Variants in GLIS3 observed in about 807,000 individuals in gnomAD.
The protein encoded by GLIS3 is zinc finger protein GLIS3.
GLIS3 carries 53 observed loss-of-function variants against 78.6 expected under a neutral mutation model. That is an observed-to-expected ratio of 0.67 (90% confidence interval 0.54 to 0.85). The LOEUF (loss-of-function observed/expected upper bound fraction) is 0.85. Among genes scored for constraint, GLIS3 ranks in the 40% least tolerant of loss-of-function variants. The pLI is 0.00. For missense variants in GLIS3, 1,703 were observed against 1,231.1 expected, an observed-to-expected ratio of 1.38 and a Z score of -5.74; for synonymous variants, 684 against 509.9, an observed-to-expected ratio of 1.34 and a Z score of -4.60.
intron 1 of GLIS3, among the ~76,000 whole-genome samples, chr9:4,347,746 G>A (rs528222415): frequency 8.6e-5 from 13 of 152,020 alleles, no homozygotes; most frequent in Non-Finnish European, 1.5e-4. Flanking sequence ...TTTTTTTTTG[G>A]TGGGGGTTGG....
intron 6 of GLIS3, among the ~76,000 whole-genome samples, chr9:3,930,826 A>T (rs1485407528): frequency 3.3e-5 from 5 of 150,674 alleles, no homozygotes; most frequent in African/African-American, 1.3e-4. Flanking sequence ...AAACCCCCTC[A>T]TCTAGAAGTT....
At chr9:4,164,313 T>C (rs1835718312) in intron 2 of GLIS3, among the ~76,000 whole-genome samples, 1 of 152,250 alleles carries the variant, frequency 6.6e-6, no homozygotes, top group Non-Finnish European at 1.5e-5. Flanking sequence ...CCCATGCTTA[T>C]GCCTCTCTGA....
intron 9 of GLIS3, among the ~76,000 whole-genome samples, chr9:3,841,963 T>C (rs994666253): frequency 1.3e-5 from 2 of 152,210 alleles, no homozygotes; most frequent in Non-Finnish European, 2.9e-5. Context: ...CCAGGGCTAC[T>C]TGGACCTAAA....
chr9:4,379,021 A>G, the GLIS3 span, among the ~76,000 whole-genome samples: 2 of 152,286 alleles, frequency 1.3e-5, no homozygotes, highest in East Asian at 1.9e-4. Flanking sequence ...TGAAAATGCT[A>G]TATAAGCTCC....
At chr9:4,167,351 T>C (rs1815952505) in intron 2 of GLIS3, among the ~76,000 whole-genome samples, 1 of 152,204 alleles carries the variant, frequency 6.6e-6, no homozygotes, top group Non-Finnish European at 1.5e-5. Flanking sequence ...TATTTCCCCA[T>C]GTTCATGAAA....
chr9:4,445,291 T>C, the GLIS3 span, among the ~76,000 whole-genome samples: 1 of 152,204 alleles, frequency 6.6e-6, no homozygotes, highest in Admixed American at 6.5e-5. Flanking sequence ...GTTTTTATTA[T>C]ATAAAGTCAT....
rs190290338 is a variant in GLIS3, at chr9:3,921,328, G to C, written c.1983+11032C>G. Among the ~76,000 whole-genome samples the C allele has an allele frequency of 2.0e-5, 3 of 152,326 alleles. No individual in the cohort carries two copies. The East Asian group carries it at 5.8e-4, about 29-fold the overall frequency. ...TTTCACTAAGTCCATTCACAGGCAT[G>C]GTCTCACTTGAATCACACAATCGCC... On this transcript the variant is annotated intron_variant, in intron 6 of 10. Coordinates refer to ENST00000381971, the MANE Select transcript of GLIS3 (RefSeq NM_001042413.2).
At chr9:4,448,682 G>T in the GLIS3 span, among the ~76,000 whole-genome samples, 1 of 152,198 alleles carries the variant, frequency 6.6e-6, no homozygotes, top group South Asian at 2.1e-4. Context: ...TTATATCACT[G>T]CTGGGCAGAA....
chr9:4,334,986 G>A (rs1364643804), intron 2 of GLIS3, among the ~76,000 whole-genome samples: 4 of 128,224 alleles, frequency 3.1e-5, no homozygotes, highest in Non-Finnish European at 4.7e-5. Flanking sequence ...TCGGCTCACC[G>A]CAAGCTCCAC....
chr9:4,118,582 T>C lies in GLIS3; in HGVS notation c.896A>G (p.Lys299Arg), dbSNP rs191592801. Residue 299 changes from lysine (K) to arginine (R), a missense_variant, in exon 4 of 11, where the codon AAG (lysine) becomes AGG (arginine). By Grantham distance (26) the Lys-to-Arg change is conservative. Coordinates refer to ENST00000381971, the MANE Select transcript of GLIS3 (RefSeq NM_001042413.2). The surrounding 1 kb of genome is among the most constrained non-coding windows in gnomAD (Gnocchi z 4.7). ...SSTRSHSARS[K>R]KRALSLSPLS... ...CGGGGACAAGGACAGCGCTCTCTTC[T>C]TGGAGCGGGCCGAGTGGGACCTGGT... 1.9e-6 allele frequency: 3 copies of C among 1,614,202 alleles called. No individual in the cohort carries two copies. The highest frequency in any genetic ancestry group is 1.7e-6 in the Non-Finnish European group (2 of 1,180,022).
chr9:4,260,779 G>A (rs1263070083), intron 2 of GLIS3, among the ~76,000 whole-genome samples: 1 of 151,976 alleles, frequency 6.6e-6, no homozygotes, highest in African/African-American at 2.4e-5. Context: ...GGACTGACTT[G>A]TCAAACACTT....
intron 4 of GLIS3, among the ~76,000 whole-genome samples, chr9:4,065,395 T>C (rs1230619172): frequency 6.6e-6 from 1 of 152,246 alleles, no homozygotes; most frequent in Non-Finnish European, 1.5e-5. Context: ...ATAAAGACCT[T>C]CACTTTTTAT....
Position 4,211,226 on chromosome 9 carries a change from G to C in GLIS3, c.388+74812C>G, listed in dbSNP as rs114979594. On this transcript the variant is annotated intron_variant, in intron 2 of 10. Coordinates refer to ENST00000381971, the MANE Select transcript of GLIS3 (RefSeq NM_001042413.2). ...TGAACTTGTGCCCTAATCTTTATAT[G>C]CATTTCCATGGACTCCATTTGTTTA... 6.0e-3 allele frequency among the ~76,000 whole-genome samples: 911 copies of C among 152,260 alleles called. 10 individuals are homozygous for C. Among genetic ancestry groups the C allele is most frequent in the African/African-American group, 0.02 (845 of 41,558 alleles).
intron 2 of GLIS3, among the ~76,000 whole-genome samples, chr9:4,331,429 C>T (rs1046188045): frequency 6.6e-6 from 1 of 152,128 alleles, no homozygotes; most frequent in African/African-American, 2.4e-5. Flanking sequence ...TCTGGGTACA[C>T]ATGAATTTCG....
the GLIS3 span, among the ~76,000 whole-genome samples, chr9:4,455,774 A>G: frequency 1.3e-5 from 2 of 152,188 alleles, no homozygotes; most frequent in Non-Finnish European, 2.9e-5. Flanking sequence ...GAATATTGCA[A>G]TAAAGTGATT....
At chr9:4,370,183 C>CAAAAAAA in the GLIS3 span, among the ~76,000 whole-genome samples, 1 of 88,374 alleles carries the variant, frequency 1.1e-5, no homozygotes, top group Non-Finnish European at 2.1e-5. Context: ...GACTCCATCT[C>CAAAAAAA]AAAAAAAAAA....
Position 3,861,544 on chromosome 9 carries a change from C to A in GLIS3, c.2298-5360G>T, listed in dbSNP as rs1265915704. 0.026 allele frequency among the ~76,000 whole-genome samples: 5 copies of A among 192 alleles called. No homozygotes were observed. The South Asian group carries it at 0.31, about 12-fold the overall frequency. The allele number at this position is 192 out of a possible 152,430, so 0.1% of individuals were successfully genotyped here. Reference sequence around the variant, plus strand: ...AAAACAGGGAATCAATCCAAATGCCCATCAAGATAGACCGGATAAAGAAAA... The same window carrying A: ...AAAACAGGGAATCAATCCAAATGCCAATCAAGATAGACCGGATAAAGAAAA... On this transcript the variant is annotated intron_variant, in intron 8 of 10. Coordinates refer to ENST00000381971, the MANE Select transcript of GLIS3 (RefSeq NM_001042413.2).
intron 2 of GLIS3, among the ~76,000 whole-genome samples, chr9:4,165,469 A>G (rs960994337): frequency 6.6e-6 from 1 of 152,168 alleles, no homozygotes; most frequent in Non-Finnish European, 1.5e-5. Context: ...AAAAACCTAC[A>G]TTCTTTTCCA....
chr9:3,832,818 A>G (rs760809459), intron 9 of GLIS3, among the ~76,000 whole-genome samples: 1 of 152,214 alleles, frequency 6.6e-6, no homozygotes, highest in African/African-American at 2.4e-5. Flanking sequence ...TCAGCGTAAT[A>G]TCAACCTTCC....
Sources: allele counts gnomAD v4.1 joint callset (sites outside exome capture counted in the v4.1 genomes callset), GRCh38; gene constraint gnomAD v4.1.1; non-coding constraint Gnocchi (gnomAD v3.1); transcripts MANE v1.5; gene names NCBI Gene and HGNC (gene_info 2026-07-23, HGNC 2026-07-21).